CYP19A1: variants seen among roughly 807,000 people sequenced by gnomAD.
CYP19A1 encodes the protein cytochrome P450 family 19 subfamily A member 1.
Under a neutral mutation model 44.4 loss-of-function variants are expected in CYP19A1, and 32 were observed. The ratio of observed to expected loss-of-function variants is 0.72; its 90% CI spans 0.54 to 0.97. CYP19A1 has a LOEUF of 0.97. Ranked by LOEUF, CYP19A1 falls within the 50% of genes least tolerant of loss-of-function variation. The probability of loss-of-function intolerance (pLI) is 0.00; values close to 1 mark genes in which losing one functional copy is unlikely to be tolerated. For missense variants in CYP19A1, 598 were observed against 637.8 expected (o/e 0.94, Z 0.67); for synonymous variants, 212 against 215.6 (o/e 0.98, Z 0.14).
chr15:51,256,776 T>C (rs2034531929), intron 1 of CYP19A1, among the ~76,000 whole-genome samples: 1 of 152,162 alleles, frequency 6.6e-6, no homozygotes, highest in South Asian at 2.1e-4. Context: ...CCTCAGTAAG[T>C]GATAGCTAAT....
chr15:51,299,213 T>C lies in CYP19A1; in HGVS notation c.-39+39282A>G, dbSNP rs115507736. On this transcript the variant is annotated intron_variant, in intron 1 of 9. Coordinates refer to ENST00000396402, the MANE Select transcript of CYP19A1 (RefSeq NM_000103.4). Reference sequence around the variant, plus strand: ...GCTTCCATCTGATCTCAGGTTTACATGGCTTTCTGTTGAGCAAATAAATTC... The same window carrying C: ...GCTTCCATCTGATCTCAGGTTTACACGGCTTTCTGTTGAGCAAATAAATTC... 2.9e-3 allele frequency among the ~76,000 whole-genome samples: 439 copies of C among 152,358 alleles called. 4 individuals are homozygous for C. Among genetic ancestry groups the C allele is most frequent in the African/African-American group, 0.01 (429 of 41,586 alleles).
At chr15:51,284,539 C>A (rs539137187) in intron 1 of CYP19A1, among the ~76,000 whole-genome samples, 2 of 152,306 alleles carry the variant, frequency 1.3e-5, no homozygotes, top group Admixed American at 1.3e-4. Context: ...GCTGAAATAT[C>A]TATTCCTATG....
intron 2 of CYP19A1, among the ~76,000 whole-genome samples, chr15:51,241,853 T>G (rs2033789021): frequency 6.6e-6 from 1 of 152,184 alleles, no homozygotes; most frequent in Non-Finnish European, 1.5e-5. Flanking sequence ...CAGAGCATTT[T>G]GTGCTAGCCC....
At chr15:51,317,120 T>C (rs2036440929) in intron 1 of CYP19A1, among the ~76,000 whole-genome samples, 1 of 150,780 alleles carries the variant, frequency 6.6e-6, no homozygotes, top group South Asian at 2.1e-4. Context: ...TTTTTTTTTT[T>C]TGACAGAGTC....
intron 8 of CYP19A1, among the ~76,000 whole-genome samples, chr15:51,214,589 A>T (rs2031377342): frequency 1.3e-5 from 2 of 152,252 alleles, no homozygotes; most frequent in South Asian, 4.1e-4. Flanking sequence ...CCCTGGGACG[A>T]TAATTTCCCT....
intron 1 of CYP19A1, chr15:51,277,496 C>CAAA (rs1336444261): frequency 6.6e-6 from 1 of 152,152 alleles, no homozygotes; most frequent in Admixed American, 6.5e-5. Context: ...AGTCCTTGAA[C>CAAA]ACTTGCAACA....
rs1238192558 is a variant in CYP19A1 at position 51,239,835 on chromosome 15, G to A, written c.146-2826C>T. Among the ~76,000 whole-genome samples the A allele has an allele frequency of 4.6e-5, 7 of 152,172 alleles. 1 individual carries two copies. Among genetic ancestry groups the A allele is most frequent in the Admixed American group, 4.6e-4 (7 of 15,278 alleles). ...TGAAATATTATCTTAAGAAAAAGAG[G>A]AATGTCAGTTGCCATGCTTTTCTCC... On this transcript the variant is annotated intron_variant, in intron 2 of 9. Coordinates refer to ENST00000396402, the MANE Select transcript of CYP19A1 (RefSeq NM_000103.4).
chr15:51,219,556 A>C (rs565663299), intron 5 of CYP19A1, among the ~76,000 whole-genome samples: 196 of 152,370 alleles, frequency 1.3e-3, no homozygotes, highest in Admixed American at 3.5e-3. Context: ...CCATACAGCC[A>C]GTGTGGCTGA....
At chr15:51,295,024 A>G (rs918061088) in intron 1 of CYP19A1, among the ~76,000 whole-genome samples, 4 of 151,674 alleles carry the variant, frequency 2.6e-5, no homozygotes, top group Non-Finnish European at 4.4e-5. Flanking sequence ...AATGCCTGAT[A>G]CATTGTATAA....
At chr15:51,306,639 A>G (rs559083892) in intron 1 of CYP19A1, among the ~76,000 whole-genome samples, 94 of 152,376 alleles carry the variant, frequency 6.2e-4, no homozygotes, top group South Asian at 1.4e-3. Context: ...GCAAAGTTCT[A>G]GTAAATTAAA....
At chr15:51,325,048 C>T (rs1312265348) in intron 1 of CYP19A1, among the ~76,000 whole-genome samples, 1 of 152,150 alleles carries the variant, frequency 6.6e-6, no homozygotes, top group East Asian at 1.9e-4. Flanking sequence ...TAAGAGAATT[C>T]CTGAACCAGG....
chr15:51,223,430 T>C (rs2032284758), intron 4 of CYP19A1, among the ~76,000 whole-genome samples: 1 of 152,090 alleles, frequency 6.6e-6, no homozygotes, highest in African/African-American at 2.4e-5. Context: ...TCTTTAAGCA[T>C]CTTTTAGGAG....
intron 1 of CYP19A1, among the ~76,000 whole-genome samples, chr15:51,258,729 C>A (rs2034606282): frequency 6.6e-6 from 1 of 152,252 alleles, no homozygotes; most frequent in Non-Finnish European, 1.5e-5. Flanking sequence ...CGATATGTAC[C>A]TATTGCCTGA....
chr15:51,252,687 G>A (rs1481944324), intron 1 of CYP19A1, among the ~76,000 whole-genome samples: 1 of 152,204 alleles, frequency 6.6e-6, no homozygotes, highest in Non-Finnish European at 1.5e-5. Context: ...CTGCCAAGGA[G>A]GGTTCCAGTG....
intron 1 of CYP19A1, among the ~76,000 whole-genome samples, chr15:51,319,892 A>G (rs902178339): frequency 6.6e-6 from 1 of 152,212 alleles, no homozygotes; most frequent in Non-Finnish European, 1.5e-5. Flanking sequence ...CTTGTCTGCC[A>G]ATGGAAATTA....
At chr15:51,267,912 T>C (rs1474711450) in intron 1 of CYP19A1, among the ~76,000 whole-genome samples, 4 of 152,148 alleles carry the variant, frequency 2.6e-5, no homozygotes, top group African/African-American at 9.7e-5. Flanking sequence ...CCACAACTGG[T>C]TGGCACTAGG....
chr15:51,221,329 T>C (rs1444641886), intron 5 of CYP19A1: 2 of 152,174 alleles, frequency 1.3e-5, no homozygotes, highest in African/African-American at 4.8e-5. Flanking sequence ...TAAAACATTC[T>C]TTAAGAGTAA....
At chr15:51,215,356 T>A (rs1434009734) in intron 7 of CYP19A1, 124 bp from the exon 8 acceptor site, 13 of 1,427,402 alleles carry the variant, frequency 9.1e-6, no homozygotes, top group Non-Finnish European at 1.3e-5. Context: ...CATGTCTCTG[T>A]GATTGACTGT....
At chr15:51,284,771 CACAT>C (rs2035642276) in intron 1 of CYP19A1, among the ~76,000 whole-genome samples, 4 of 152,264 alleles carry the variant, frequency 2.6e-5, no homozygotes, top group South Asian at 4.1e-4. Context: ...TGGAGGAATG[CACAT>C]ACAAAGAGCT....
Sources: allele counts gnomAD v4.1 joint callset (sites outside exome capture counted in the v4.1 genomes callset), GRCh38; gene constraint gnomAD v4.1.1; transcripts MANE v1.5; gene names NCBI Gene and HGNC (gene_info 2026-07-23, HGNC 2026-07-21).